TCF12: variants seen among roughly 807,000 people sequenced by gnomAD.
TCF12 encodes DNA-binding protein HTF4.
TCF12 carries 45 observed loss-of-function variants against 86.0 expected under a neutral mutation model. The ratio of observed to expected loss-of-function variants is 0.52; its 90% CI spans 0.41 to 0.67. The LOEUF is 0.67. Among genes scored for constraint, TCF12 ranks in the 30% least tolerant of loss-of-function variants. The probability of loss-of-function intolerance (pLI) is 0.00; values close to 1 mark genes in which losing one functional copy is unlikely to be tolerated. For missense variants in TCF12, 881 were observed against 859.9 expected, an observed-to-expected ratio of 1.02 and a Z score of -0.31; for synonymous variants, 330 against 299.6, an observed-to-expected ratio of 1.10 and a Z score of -1.05.
chr15:57,057,229 T>A (rs1483260156), intron 3 of TCF12, among the ~76,000 whole-genome samples: 1 of 152,172 alleles, frequency 6.6e-6, no homozygotes, highest in Non-Finnish European at 1.5e-5. Context: ...AACCAAAAAT[T>A]TGGGACCTCT....
intron 3 of TCF12, among the ~76,000 whole-genome samples, chr15:56,957,820 G>A (rs1038451498): frequency 6.6e-6 from 1 of 151,988 alleles, no homozygotes; most frequent in African/African-American, 2.4e-5. Context: ...TTAGAGATTT[G>A]TTCTGGAATT....
chr15:57,117,906 A>G (rs1028734902), intron 5 of TCF12, among the ~76,000 whole-genome samples: 9 of 152,028 alleles, frequency 5.9e-5, no homozygotes, highest in Non-Finnish European at 1.0e-4. Flanking sequence ...TTATATTTCA[A>G]TAGTCTGTCC....
chr15:57,240,879 C>CAAAAAAAAAAAAAAAAAAA (rs68154303), intron 12 of TCF12, among the ~76,000 whole-genome samples: 22 of 65,690 alleles, frequency 3.3e-4, no homozygotes, highest in African/African-American at 1.2e-3. Context: ...GACCCTGTCT[C>CAAAAAAAAAAAAAAAAAAA]AAAAAAAAAA....
intron 5 of TCF12, among the ~76,000 whole-genome samples, chr15:57,103,375 C>A (rs2049894787): frequency 6.6e-6 from 1 of 152,138 alleles, no homozygotes; most frequent in Non-Finnish European, 1.5e-5. Context: ...TTAAGGCTGT[C>A]TTCTGTCTTA....
chr15:56,968,371 T>G (rs992628777), intron 3 of TCF12, among the ~76,000 whole-genome samples: 43 of 151,884 alleles, frequency 2.8e-4, no homozygotes, highest in African/African-American at 8.9e-4. Context: ...TTTGTTTTTT[T>G]TTTTTTTGAA....
At chr15:56,989,182 A>G (rs2063330441) in intron 3 of TCF12, among the ~76,000 whole-genome samples, 1 of 152,144 alleles carries the variant, frequency 6.6e-6, no homozygotes, top group Non-Finnish European at 1.5e-5. Context: ...TCTGTAATGT[A>G]TTAGATTTTA....
intron 8 of TCF12, among the ~76,000 whole-genome samples, chr15:57,209,598 A>G (rs916233676): frequency 6.6e-6 from 1 of 152,194 alleles, no homozygotes; most frequent in Non-Finnish European, 1.5e-5. Context: ...ATCTTTGTCT[A>G]AACCACCTTT....
chr15:57,261,634 A>T (rs2431023), intron 16 of TCF12, among the ~76,000 whole-genome samples: 80,433 of 151,910 alleles, frequency 0.53, 21,787 homozygotes, highest in Non-Finnish European at 0.58. Context: ...TTTTTATGTA[A>T]GTTAATACTG....
At chr15:56,918,120 T>A, upstream of TCF12, 1 of 442,378 alleles carries the variant, frequency 2.3e-6, no homozygotes, top group Admixed American at 2.4e-5. Context: ...GTCTCCCGTC[T>A]CCACACGCGC....
intron 19 of TCF12, chr15:57,278,642 C>G (rs867372578): frequency 5.2e-5 from 11 of 212,516 alleles, no homozygotes; most frequent in African/African-American, 2.3e-4. Context: ...TCGTGAACAC[C>G]CAATCATCAT....
intron 3 of TCF12, among the ~76,000 whole-genome samples, chr15:57,013,570 G>C (rs1236449571): frequency 6.6e-6 from 1 of 152,136 alleles, no homozygotes; most frequent in Non-Finnish European, 1.5e-5. Flanking sequence ...ATCTGCCTGC[G>C]TCAGTCTGCC....
Position 57,253,336 on chromosome 15 carries a change from T to G in TCF12, c.1335T>G (p.Pro445=). The change falls in exon 16 of 21, where the codon CCT becomes CCG. Residue 445 remains proline, a synonymous_variant. Transcript: ENST00000333725. ...TGCTGCGGAACCATGCTGTGGGACCTTCCACCAGTTTGCCTGCTGGTCACA... is the reference window on the plus strand; with the variant it reads ...TGCTGCGGAACCATGCTGTGGGACCGTCCACCAGTTTGCCTGCTGGTCACA... The part of the protein sequence containing the change: ...IHVLRNHAVG[P]STSLPAGHSD... 2 of 1,614,120 alleles carry G rather than the reference T, an allele frequency of 1.2e-6. No individual in the cohort carries two copies. The highest frequency in any genetic ancestry group is 1.7e-6 in the Non-Finnish European group (2 of 1,179,992).
chr15:57,059,016 A>G (rs1386771912), intron 3 of TCF12, among the ~76,000 whole-genome samples: 1 of 152,186 alleles, frequency 6.6e-6, no homozygotes, highest in African/African-American at 2.4e-5. Flanking sequence ...CATAGCTTTG[A>G]TTATCTGATA....
intron 5 of TCF12, among the ~76,000 whole-genome samples, chr15:57,125,224 G>C (rs2051554758): frequency 6.6e-6 from 1 of 152,178 alleles, no homozygotes; most frequent in Admixed American, 6.5e-5. Context: ...AGAAAACCAA[G>C]TATGATTTGA....
intron 19 of TCF12, among the ~76,000 whole-genome samples, chr15:57,274,199 C>G (rs1386034133): frequency 7.0e-6 from 1 of 143,502 alleles, no homozygotes; most frequent in East Asian, 2.1e-4. Context: ...TGGGCAGATG[C>G]TTGAAAACTA....
intron 3 of TCF12, among the ~76,000 whole-genome samples, chr15:56,933,148 C>T (rs547182528): frequency 6.6e-5 from 10 of 151,946 alleles, no homozygotes; most frequent in Non-Finnish European, 8.8e-5. Flanking sequence ...TTATTATTTC[C>T]CCTTTTTCAA....
At chr15:57,100,095 T>A (rs2049620424) in intron 5 of TCF12, among the ~76,000 whole-genome samples, 1 of 152,200 alleles carries the variant, frequency 6.6e-6, no homozygotes, top group Admixed American at 6.5e-5. Flanking sequence ...GTTGCATAGA[T>A]CTGATAAATG....
chr15:57,205,580 A>G (rs1338583447), intron 8 of TCF12, among the ~76,000 whole-genome samples: 1 of 152,240 alleles, frequency 6.6e-6, no homozygotes, highest in Non-Finnish European at 1.5e-5. Flanking sequence ...AAATTTCCAA[A>G]GTGGCTTATT....
chr15:57,003,609 C>T (rs80326623), intron 3 of TCF12, among the ~76,000 whole-genome samples: 2,078 of 152,296 alleles, frequency 0.014, 56 homozygotes, highest in African/African-American at 0.044. Context: ...ATTATAAGAG[C>T]TGAAGCAAGA....
Sources: allele counts gnomAD v4.1 joint callset (sites outside exome capture counted in the v4.1 genomes callset), GRCh38; gene constraint gnomAD v4.1.1; transcripts MANE v1.5; gene names NCBI Gene and HGNC (gene_info 2026-07-23, HGNC 2026-07-21).